Variants in USP34 observed in about 807,000 individuals in gnomAD.
The protein encoded by USP34 is ubiquitin carboxyl-terminal hydrolase 34.
USP34 carries 70 observed loss-of-function variants against 460.3 expected under a neutral mutation model. That is an observed-to-expected ratio of 0.15 (90% CI 0.13 to 0.19). The LOEUF (loss-of-function observed/expected upper bound fraction) is 0.19, where lower values mean the gene tolerates loss of function less well. USP34 is among the 10% of genes least tolerant of loss of function. The pLI is 1.00. For missense variants in USP34, 3,985 were observed against 4,236.2 expected (o/e 0.94, Z 1.65); for synonymous variants, 1,647 against 1,405.3 (o/e 1.17, Z -3.85).
At chr2:61,374,159 GAA>G (rs76561805) in intron 8 of USP34, among the ~76,000 whole-genome samples, 2 of 117,708 alleles carry the variant, frequency 1.7e-5, no homozygotes, top group Non-Finnish European at 1.8e-5. Context: ...CCATCTCAGG[GAA>G]AAAAAAAAAA....
At chr2:61,457,102 C>T (rs1233987313) in intron 1 of USP34, among the ~76,000 whole-genome samples, 2 of 151,992 alleles carry the variant, frequency 1.3e-5, no homozygotes, top group Admixed American at 6.6e-5. Flanking sequence ...ATGGTGAAAC[C>T]CTGCCTCTAC....
intron 76 of USP34, 76 bp from the exon 77 acceptor site, chr2:61,190,734 A>G (rs1686615014): frequency 3.3e-6 from 5 of 1,514,386 alleles, no homozygotes; most frequent in African/African-American, 2.8e-5. Context: ...CTTACACAGA[A>G]AAAACATACA....
At chr2:61,333,102 C>CA (rs1470649579) in intron 19 of USP34, among the ~76,000 whole-genome samples, 1 of 152,022 alleles carries the variant, frequency 6.6e-6, no homozygotes, top group Non-Finnish European at 1.5e-5. Flanking sequence ...TAGAATAAAG[C>CA]ATACAACACA....
At chr2:61,418,328 CGTT>C (rs2103966996) in intron 2 of USP34, among the ~76,000 whole-genome samples, 1 of 152,220 alleles carries the variant, frequency 6.6e-6, no homozygotes, top group Admixed American at 6.5e-5. Context: ...GATCCACCCA[CGTT>C]GGCCTCTCAA....
chr2:61,264,828 A>C (rs1688999530), intron 43 of USP34, among the ~76,000 whole-genome samples: 1 of 152,208 alleles, frequency 6.6e-6, no homozygotes, highest in East Asian at 1.9e-4. Flanking sequence ...GTTGGAGACC[A>C]GCCTGGTCAA....
chr2:61,301,375 C>T lies in USP34; in HGVS notation c.3897G>A (p.Glu1299=), dbSNP rs774530194. The T allele has an allele frequency of 8.1e-6, 13 of 1,613,934 alleles. No homozygotes were observed. The highest frequency in any genetic ancestry group is 1.7e-4 in the Middle Eastern group (1 of 6,060). ...TTDYDEKALH[E]LGFKDMQMVF... is the part of the protein sequence containing the mutation. ...GTACCTGCATATCCTTAAAACCAAG[C>T]TCATGAAGTGCTTTTTCATCATAAT... Residue 1299 remains glutamate, a synonymous_variant, in exon 28 of 80, where the codon GAG becomes GAA. Coordinates refer to ENST00000398571, the MANE Select transcript of USP34 (RefSeq NM_014709.4).
At chr2:61,319,465 G>A in intron 21 of USP34, 138 bp from the exon 22 acceptor site, 1 of 467,548 alleles carries the variant, frequency 2.1e-6, no homozygotes, top group Non-Finnish European at 3.6e-6. Flanking sequence ...TTGAAATGAT[G>A]CATAATGAAA....
At chr2:61,382,349 A>T (rs1463772081) in intron 6 of USP34, among the ~76,000 whole-genome samples, 1 of 152,142 alleles carries the variant, frequency 6.6e-6, no homozygotes, top group African/African-American at 2.4e-5. Flanking sequence ...CTTACACATT[A>T]TTCTCCACAC....
intron 3 of USP34, among the ~76,000 whole-genome samples, chr2:61,404,268 A>G (rs995349872): frequency 6.6e-6 from 1 of 152,136 alleles, no homozygotes; most frequent in Non-Finnish European, 1.5e-5. Context: ...AGAGACAGAT[A>G]AAAAACAAAC....
rs1408169555 is a variant in USP34, at chr2:61,232,365, A to G, written c.7113+87T>C. The stretch of plus-strand genomic sequence containing the variant: ...TTCAAACTATTATCAATATTAGGTT[A>G]AGACACACTTATAAGCAAATTGAGA... On this transcript the variant is annotated intron_variant, in intron 58 of 79. Coordinates refer to ENST00000398571, the MANE Select transcript of USP34 (RefSeq NM_014709.4). The G allele has an allele frequency of 2.7e-6, 3 of 1,106,260 alleles. No individual in the cohort carries two copies. The East Asian group carries it at 7.2e-5, about 27-fold the overall frequency. 68.5% of individuals were successfully genotyped at this position (1,106,260 alleles called of 1,614,324 possible). A position where few individuals can be genotyped will look rare whatever the true frequency, so the allele number is the denominator to read the frequency against.
At chr2:61,424,671 T>C (rs925854001) in intron 1 of USP34, among the ~76,000 whole-genome samples, 1 of 151,894 alleles carries the variant, frequency 6.6e-6, no homozygotes, top group African/African-American at 2.4e-5. Context: ...AGCCCAAGAG[T>C]TCAACACCAG....
intron 67 of USP34, among the ~76,000 whole-genome samples, chr2:61,219,888 A>G (rs1190489010): frequency 1.3e-5 from 2 of 152,020 alleles, no homozygotes; most frequent in Non-Finnish European, 2.9e-5. Context: ...ATATGTGTCT[A>G]CCTGTCTAAG....
chr2:61,394,533 CAAAAAAAA>C lies in USP34; in HGVS notation c.753+312_753+319del, dbSNP rs200686763. ...AACAACGGAGTGAGACCCTCTCTCT[CAAAAAAAA>C]AAAAAAAAAAAAAAAAATAAGTTAA... On this transcript the variant is annotated intron_variant, in intron 5 of 79. Coordinates refer to ENST00000398571, the MANE Select transcript of USP34 (RefSeq NM_014709.4). Among the ~76,000 whole-genome samples the C allele has an allele frequency of 8.2e-5, 9 of 110,092 alleles. 1 individual carries two copies. In the East Asian group the frequency reaches 1.1e-3, roughly 13 times the overall value. 72.2% of individuals were successfully genotyped at this position (110,092 alleles called of 152,430 possible).
intron 1 of USP34, among the ~76,000 whole-genome samples, chr2:61,446,835 T>G (rs1420911541): frequency 6.6e-6 from 1 of 151,616 alleles, no homozygotes. Flanking sequence ...TACTTTACCC[T>G]CTGAGTAGAT....
At chr2:61,205,639 G>A (rs772455825) in intron 72 of USP34, among the ~76,000 whole-genome samples, 35 of 152,194 alleles carry the variant, frequency 2.3e-4, no homozygotes, top group Non-Finnish European at 4.7e-4. Context: ...CAGCTACTGA[G>A]AAGTATCTTT....
chr2:61,354,442 A>G (rs1418395918), intron 10 of USP34, among the ~76,000 whole-genome samples: 1 of 152,236 alleles, frequency 6.6e-6, no homozygotes, highest in East Asian at 1.9e-4. Context: ...CATTCGCAGA[A>G]AAAAGCTGAA....
At chr2:61,414,035 A>C (rs1378030140) in intron 2 of USP34, among the ~76,000 whole-genome samples, 2 of 152,082 alleles carry the variant, frequency 1.3e-5, no homozygotes, top group Non-Finnish European at 2.9e-5. Flanking sequence ...AGGCGGGTGG[A>C]CTGCCTGAGC....
chr2:61,467,461 T>C lies in USP34; in HGVS notation c.43+3189A>G, dbSNP rs577648377. On this transcript the variant is annotated intron_variant, in intron 1 of 79. Coordinates refer to ENST00000398571, the MANE Select transcript of USP34 (RefSeq NM_014709.4). ...CACCACGTCTGACTGTTTTGTGAGG[T>C]TGCTTTAATACTAATTACGTATTTT... Among the ~76,000 whole-genome samples the C allele has an allele frequency of 2.4e-4, 36 of 151,712 alleles. No homozygotes were observed. In the East Asian group the frequency reaches 6.3e-3, roughly 26 times the overall value.
chr2:61,387,718 T>C lies in USP34; in HGVS notation c.754-4382A>G, dbSNP rs1274951506. 1.4e-5 allele frequency among the ~76,000 whole-genome samples: 2 copies of C among 148,002 alleles called. 1 individual carries two copies. Among genetic ancestry groups the C allele is most frequent in the Admixed American group, 1.4e-4 (2 of 14,646 alleles). On this transcript the variant is annotated intron_variant, in intron 5 of 79. Transcript: ENST00000398571. ...ATACACACATGTAAAAATATATTTTTACGTATACACACATGTAAAAATATA... is the reference window on the plus strand; with the variant it reads ...ATACACACATGTAAAAATATATTTTCACGTATACACACATGTAAAAATATA...
Sources: gnomAD v4.1 joint callset for allele counts (sites outside exome capture counted in the v4.1 genomes callset) on GRCh38, gnomAD v4.1.1 for gene constraint, MANE v1.5 for transcripts, NCBI Gene and HGNC (gene_info 2026-07-23, HGNC 2026-07-21) for gene names.